Variants in NKD1 observed in about 807,000 individuals in gnomAD.
NKD1 encodes protein naked cuticle homolog 1.
In NKD1, 21 loss-of-function variants were observed where a neutral mutation model predicts 56.0. That is an observed-to-expected ratio of 0.38 (90% confidence interval 0.27 to 0.54). The LOEUF (loss-of-function observed/expected upper bound fraction) is 0.54, where lower values mean the gene tolerates loss of function less well. NKD1 is among the 20% of genes least tolerant of loss of function. The pLI, the probability that NKD1 is intolerant of heterozygous loss-of-function variation, is 0.82. For missense variants in NKD1, 578 were observed against 642.7 expected, an observed-to-expected ratio of 0.90 and a Z score of 1.09; for synonymous variants, 263 against 265.7, an observed-to-expected ratio of 0.99 and a Z score of 0.10.
Position 50,647,838 on chromosome 16 carries a change from A to T in NKD1, c.*14057A>T, listed in dbSNP as rs1962708726. 6.6e-6 allele frequency: 1 copy of T among 152,230 alleles called. No individual in the cohort carries two copies. The highest frequency in any genetic ancestry group is 2.1e-4 in the South Asian group (1 of 4,830). 9.4% of individuals were successfully genotyped at this position (152,230 alleles called of 1,614,324 possible). ...AGTTGAAAGCATCATAACCCATCCC[A>T]GGTGATCATAGAAGGACCTCAAAGG... On this transcript the variant is annotated 3_prime_UTR_variant, in exon 10 of 10. Coordinates refer to ENST00000268459, the MANE Select transcript of NKD1 (RefSeq NM_033119.5).
intron 5 of NKD1, 51 bp downstream of exon 5, chr16:50,621,759 A>C: frequency 1.4e-5 from 20 of 1,392,382 alleles, no homozygotes; most frequent in East Asian, 4.7e-5. Flanking sequence ...GGGTTTTCTC[A>C]GCTTGGGGCT....
In NKD1 at chr16:50,633,808, C is replaced by A; in HGVS notation, c.*27C>A. On this transcript the variant is annotated 3_prime_UTR_variant, in exon 10 of 10. Transcript: ENST00000268459. This position sits in a 1 kb window ranked among gnomAD's most constrained non-coding sequence, Gnocchi z 4.9. ...GCCCCTCCCCAGGGCCCCACCCTGC[C>A]ATATGAAGGACCCCACCCCCGACAC... 1 of 1,240,300 alleles carries A rather than the reference C, an allele frequency of 8.1e-7. No homozygotes were observed. The highest frequency in any genetic ancestry group is 1.1e-6 in the Non-Finnish European group (1 of 914,034). The allele number at this position is 1,240,300 out of a possible 1,614,324, so 76.8% of individuals were successfully genotyped here. A position where few individuals can be genotyped will look rare whatever the true frequency, so the allele number is the denominator to read the frequency against.
At position 50,598,262 on chromosome 16, in the gene NKD1, T is replaced by TGTGTGTGTGCGCGC. The variant is rs138964473; in HGVS notation, c.193-10031_193-10030insTGTGTGTGCGCGCG. 7.5e-3 allele frequency among the ~76,000 whole-genome samples: 1,116 copies of TGTGTGTGTGCGCGC among 148,550 alleles called. 17 individuals carry two copies. The highest frequency in any genetic ancestry group is 0.027 in the African/African-American group (1,048 of 39,050). ...GTGTGTGTGTGTGTGTGTGTGTGTG[T>TGTGTGTGTGCGCGC]GCGCGCACACCTGTGCTCATGGACA... On this transcript the variant is annotated intron_variant, in intron 3 of 9. Transcript: ENST00000268459. The surrounding 1 kb of genome is among the most constrained non-coding windows in gnomAD (Gnocchi z 4.2).
At chr16:50,616,493 A>G (rs1006711112) in intron 4 of NKD1, among the ~76,000 whole-genome samples, 2 of 152,218 alleles carry the variant, frequency 1.3e-5, no homozygotes, top group East Asian at 1.9e-4. Context: ...GGCAGAAGGT[A>G]TGGCATATTT....
At chr16:50,608,125 G>C in intron 3 of NKD1, 169 bp from the exon 4 acceptor site, 1 of 649,776 alleles carries the variant, frequency 1.5e-6, no homozygotes, top group Non-Finnish European at 2.8e-6. Context: ...GTTAAGGGCA[G>C]GAGGGACCCA....
At chr16:50,549,636 T>G (rs529350776) in intron 3 of NKD1, 81 bp downstream of exon 3, 1 of 1,337,934 alleles carries the variant, frequency 7.5e-7, no homozygotes, top group South Asian at 1.5e-5. Context: ...CACCCCAACT[T>G]TGAGCACTTT....
intron 3 of NKD1, among the ~76,000 whole-genome samples, chr16:50,591,012 G>A (rs974897052): frequency 4.0e-5 from 6 of 151,884 alleles, no homozygotes; most frequent in South Asian, 2.1e-4. Context: ...CAGTAGAGAC[G>A]GAGTTTAACC....
At chr16:50,557,852 A>T (rs1960536924) in intron 3 of NKD1, 1 of 152,242 alleles carries the variant, frequency 6.6e-6, no homozygotes, top group Non-Finnish European at 1.5e-5. Context: ...GTTTTTTTGA[A>T]GGAAGTGGGC....
Position 50,646,414 on chromosome 16 carries a change from T to G in NKD1, c.*12633T>G, listed in dbSNP as rs1207089829. 1 of 152,118 alleles carries G rather than the reference T, an allele frequency of 6.6e-6. No individual in the cohort carries two copies. The highest frequency in any genetic ancestry group is 1.5e-5 in the Non-Finnish European group (1 of 68,036). The allele number at this position is 152,118 out of a possible 1,614,324, so 9.4% of individuals were successfully genotyped here. The stretch of plus-strand genomic sequence containing the variant: ...CGAAGGCTAACTGATGCCACAGTCT[T>G]TTATGTACATGGCAAAAACGGGACA... On this transcript the variant is annotated 3_prime_UTR_variant, in exon 10 of 10. Transcript: ENST00000268459.
At chr16:50,589,117 C>T (rs1961293457) in intron 3 of NKD1, among the ~76,000 whole-genome samples, 4 of 152,144 alleles carry the variant, frequency 2.6e-5, no homozygotes, top group Admixed American at 2.0e-4. Flanking sequence ...TCCTCTCCGA[C>T]CCCAGCACTC....
At position 50,637,337 on chromosome 16, in the gene NKD1, T is replaced by G. The variant is rs1297200705; in HGVS notation, c.*3556T>G. 2 of 152,166 alleles carry G rather than the reference T, an allele frequency of 1.3e-5. No homozygotes were observed. Among genetic ancestry groups the G allele is most frequent in the Non-Finnish European group, 2.9e-5 (2 of 68,064 alleles). The allele number at this position is 152,166 out of a possible 1,614,324, so 9.4% of individuals were successfully genotyped here. A position where few individuals can be genotyped will look rare whatever the true frequency, so the allele number is the denominator to read the frequency against. Reference sequence around the variant, plus strand: ...ATCTCAACACTTTGGGAGACCGAGGTGGGTGGATCACCTGAGGTCAGGAGT... The same window carrying G: ...ATCTCAACACTTTGGGAGACCGAGGGGGGTGGATCACCTGAGGTCAGGAGT... On this transcript the variant is annotated 3_prime_UTR_variant, in exon 10 of 10. Transcript: ENST00000268459.
At chr16:50,550,073 G>T (rs1281169264) in intron 3 of NKD1, among the ~76,000 whole-genome samples, 1 of 152,048 alleles carries the variant, frequency 6.6e-6, no homozygotes, top group African/African-American at 2.4e-5. Flanking sequence ...ACTGAGACCT[G>T]GAAGACCCCT....
At chr16:50,616,061 G>A (rs1462464013) in intron 4 of NKD1, 5 of 455,708 alleles carry the variant, frequency 1.1e-5, no homozygotes, top group African/African-American at 1.0e-4. Flanking sequence ...GCTGTCAGAA[G>A]GTTGTGGACT....
At chr16:50,607,273 A>G in intron 3 of NKD1, 1 of 265,016 alleles carries the variant, frequency 3.8e-6, no homozygotes, top group African/African-American at 2.2e-5. Context: ...GAGATCAGCA[A>G]TACAAAGCCG....
At chr16:50,566,435 G>C (rs1960760916) in intron 3 of NKD1, among the ~76,000 whole-genome samples, 1 of 152,244 alleles carries the variant, frequency 6.6e-6, no homozygotes, top group South Asian at 2.1e-4. Context: ...CCCAGGCGGA[G>C]CTCCCATTGT....
At chr16:50,630,096 G>A in intron 6 of NKD1, 90 bp from the exon 7 acceptor site, 2 of 1,265,814 alleles carry the variant, frequency 1.6e-6, no homozygotes, top group Non-Finnish European at 1.1e-6. Context: ...GAGGGGTTCA[G>A]GCCTGCAGCG....
At chr16:50,554,572 GC>G (rs1392156276) in intron 3 of NKD1, among the ~76,000 whole-genome samples, 7 of 152,024 alleles carry the variant, frequency 4.6e-5, no homozygotes, top group Non-Finnish European at 7.4e-5. Flanking sequence ...GTGGAACCAG[GC>G]TTTTTCTTTT....
At position 50,633,828 on chromosome 16, in the gene NKD1, C is replaced by T. The variant is rs558212186; in HGVS notation, c.*47C>T. The T allele has an allele frequency of 3.3e-5, 29 of 878,508 alleles. 1 individual carries two copies. The highest frequency in any genetic ancestry group is 9.9e-5 in the Admixed American group (3 of 30,264). The allele number at this position is 878,508 out of a possible 1,614,324, so 54.4% of individuals were successfully genotyped here. A position where few individuals can be genotyped will look rare whatever the true frequency, so the allele number is the denominator to read the frequency against. ...CCTGCCATATGAAGGACCCCACCCC[C>T]GACACCACAAGGCATTATTATTCTA... On this transcript the variant is annotated 3_prime_UTR_variant, in exon 10 of 10. Transcript: ENST00000268459. The surrounding 1 kb of genome is among the most constrained non-coding windows in gnomAD (Gnocchi z 4.9).
In NKD1 at chr16:50,608,320, C is replaced by G. The variant is rs933220077; in HGVS notation, c.219C>G (p.Asp73Glu). 1 of 1,613,506 alleles carries G rather than the reference C, an allele frequency of 6.2e-7. No individual in the cohort carries two copies. The highest frequency in any genetic ancestry group is 8.5e-7 in the Non-Finnish European group (1 of 1,179,664). ...TRELVGDVLR[D>E]TLSEEEEDDF... is the part of the protein sequence containing the mutation. Reference sequence around the variant, plus strand: ...AGCTCGTGGGCGACGTGTTGAGAGACACGCTCAGCGAGGAAGAGGAGGACG... The same window carrying G: ...AGCTCGTGGGCGACGTGTTGAGAGAGACGCTCAGCGAGGAAGAGGAGGACG... Residue 73 changes from aspartate (D) to glutamate (E), a missense_variant, in exon 4 of 10, where the codon GAC becomes GAG. Physicochemically the swap from Asp to Glu is conservative, Grantham distance 45 (BLOSUM62 2). Coordinates refer to ENST00000268459, the MANE Select transcript of NKD1 (RefSeq NM_033119.5).
Sources: allele counts gnomAD v4.1 joint callset (sites outside exome capture counted in the v4.1 genomes callset), GRCh38; gene constraint gnomAD v4.1.1; non-coding constraint Gnocchi (gnomAD v3.1); transcripts MANE v1.5; gene names NCBI Gene and HGNC (gene_info 2026-07-23, HGNC 2026-07-21).